Variants in CSMD1 observed in about 807,000 individuals in gnomAD.
CSMD1 encodes CUB and Sushi multiple domains 1.
A neutral mutation model predicts 417.5 loss-of-function variants in CSMD1; 213 were observed. That is an observed-to-expected ratio of 0.51 (90% CI 0.46 to 0.57). The LOEUF (loss-of-function observed/expected upper bound fraction) is 0.57. Ranked by LOEUF, CSMD1 falls within the 20% of genes least tolerant of loss-of-function variation. The pLI is 0.00. For synonymous variants in CSMD1, 2,862 were observed against 1,736.8 expected (o/e 1.65, Z -16.11); for missense variants, 6,923 against 4,529.7 (o/e 1.53, Z -15.17).
chr8:4,609,966 G>C (rs910554128), intron 2 of CSMD1, among the ~76,000 whole-genome samples: 1 of 151,806 alleles, frequency 6.6e-6, no homozygotes, highest in Non-Finnish European at 1.5e-5. Flanking sequence ...TACCTAATTG[G>C]TAATTCCTTC....
chr8:3,246,995 A>G (rs1458086771), intron 26 of CSMD1, among the ~76,000 whole-genome samples: 1 of 152,216 alleles, frequency 6.6e-6, no homozygotes. Flanking sequence ...GGCAAGAGTT[A>G]TTACCTTTGT....
chr8:4,816,132 G>A lies in CSMD1; in HGVS notation c.85+178200C>T, dbSNP rs142949259. Among the ~76,000 whole-genome samples the A allele has an allele frequency of 3.8e-3, 577 of 152,238 alleles. 4 individuals carry two copies. Among genetic ancestry groups the A allele is most frequent in the African/African-American group, 0.013 (539 of 41,552 alleles). On this transcript the variant is annotated intron_variant, in intron 1 of 69. Coordinates refer to ENST00000635120, the MANE Select transcript of CSMD1 (RefSeq NM_033225.6). ...CTGATCACAGAGCATCAGACTTCAAGTTTGTCTGAGGCTTTGCATGCTTTG... is the reference window on the plus strand; with the variant it reads ...CTGATCACAGAGCATCAGACTTCAAATTTGTCTGAGGCTTTGCATGCTTTG...
chr8:4,630,360 G>C (rs894267137), intron 2 of CSMD1, among the ~76,000 whole-genome samples: 4 of 151,806 alleles, frequency 2.6e-5, no homozygotes, highest in African/African-American at 9.7e-5. Flanking sequence ...GGGAAGGAGA[G>C]AATTAGGTAT....
chr8:3,842,310 T>C lies in CSMD1; in HGVS notation c.819-88268A>G, dbSNP rs369023502. Among the ~76,000 whole-genome samples, 34 of 152,240 alleles carry C rather than the reference T, an allele frequency of 2.2e-4. No individual in the cohort carries two copies. In the South Asian group the frequency reaches 7.1e-3, roughly 32 times the overall value. ...TCTTTCACTTTTCATTCCAGTAGTT[T>C]CTATTGGTACACTCTGACTCAATTA... is the stretch of plus-strand genomic sequence containing the variant. On this transcript the variant is annotated intron_variant, in intron 5 of 69. Coordinates refer to ENST00000635120, the MANE Select transcript of CSMD1 (RefSeq NM_033225.6).
chr8:3,754,346 A>T (rs1252260814), intron 5 of CSMD1, among the ~76,000 whole-genome samples: 1 of 152,178 alleles, frequency 6.6e-6, no homozygotes, highest in Admixed American at 6.5e-5. Flanking sequence ...TTTCATCAAG[A>T]TCTTAATCAC....
chr8:4,498,413 A>G (rs1026536378), intron 2 of CSMD1, among the ~76,000 whole-genome samples: 1 of 152,156 alleles, frequency 6.6e-6, no homozygotes, highest in South Asian at 2.1e-4. Flanking sequence ...ATCAGTTCAT[A>G]ATATTAATGC....
intron 6 of CSMD1, among the ~76,000 whole-genome samples, chr8:3,724,205 T>A (rs1295924650): frequency 4.0e-5 from 6 of 149,306 alleles, no homozygotes; most frequent in South Asian, 2.1e-4. Flanking sequence ...CTTTTTTTTT[T>A]TTATTATTAT....
intron 12 of CSMD1, among the ~76,000 whole-genome samples, chr8:3,454,291 T>G (rs1348320027): frequency 6.6e-6 from 1 of 152,232 alleles, no homozygotes; most frequent in African/African-American, 2.4e-5. Flanking sequence ...GTCTTTTAAT[T>G]GGAGCATTTG....
chr8:4,322,323 T>C (rs1799316486), intron 3 of CSMD1, among the ~76,000 whole-genome samples: 1 of 102,844 alleles, frequency 9.7e-6, no homozygotes, highest in African/African-American at 2.9e-5. Context: ...AAGAGAGTAC[T>C]TTTTTTTGCA....
chr8:3,106,589 G>A lies in CSMD1; in HGVS notation c.6888C>T (p.Asp2296=). 3 of 1,613,856 alleles carry A rather than the reference G, an allele frequency of 1.9e-6. No homozygotes were observed. The highest frequency in any genetic ancestry group is 2.5e-6 in the Non-Finnish European group (3 of 1,179,828). Residue 2296 remains aspartate, a synonymous_variant, in exon 46 of 70, where the codon GAC becomes GAT. Transcript: ENST00000635120. ...GGGAACTGAGCTTGCAAGTCAGAAT[G>A]TCGGTCCCCACCAAGGTGTACCCGG... is the stretch of plus-strand genomic sequence containing the variant. The part of the protein sequence containing the change: ...CHPGYTLVGT[D]ILTCKLSSQL...
rs1490483793 is a variant in CSMD1, at chr8:3,788,064, T to C, written c.819-34022A>G. On this transcript the variant is annotated intron_variant, in intron 5 of 69. Coordinates refer to ENST00000635120, the MANE Select transcript of CSMD1 (RefSeq NM_033225.6). ...CTCACACACTGGCTCAAAAAGCCTC[T>C]CCATCCAGTGAGTGTTCTTTGGGAA... is the stretch of plus-strand genomic sequence containing the variant. 2.0e-5 allele frequency among the ~76,000 whole-genome samples: 3 copies of C among 152,306 alleles called. No individual in the cohort carries two copies. The East Asian group carries it at 5.8e-4, about 29-fold the overall frequency.
chr8:4,048,585 A>C (rs1479823123), intron 3 of CSMD1, among the ~76,000 whole-genome samples: 4 of 152,238 alleles, frequency 2.6e-5, no homozygotes, highest in Admixed American at 2.0e-4. Flanking sequence ...GTGTGGCTCC[A>C]GAGTTTGTAT....
At chr8:4,340,055 T>C (rs569052462) in intron 3 of CSMD1, among the ~76,000 whole-genome samples, 1 of 152,162 alleles carries the variant, frequency 6.6e-6, no homozygotes, top group East Asian at 1.9e-4. Flanking sequence ...TACCGTATGT[T>C]TTAGGACTGA....
rs778857929 is a variant in CSMD1, at chr8:3,201,655, A to G, written c.5055T>C (p.His1685=). The G allele has an allele frequency of 3.7e-6, 6 of 1,606,636 alleles. No homozygotes were observed. The highest frequency in any genetic ancestry group is 1.6e-4 in the Middle Eastern group (1 of 6,070). The part of the protein sequence containing the change: ...NDLAELFDGT[H]AQARLLSSLS... ...GTGAGCTGAGAAGTCTGGCCTGTGC[A>G]TGGGTTCCATCAAATAATTCTGCCA... The change falls in exon 32 of 70, where the codon CAT becomes CAC. Residue 1685 remains histidine, a synonymous_variant. Coordinates refer to ENST00000635120, the MANE Select transcript of CSMD1 (RefSeq NM_033225.6).
rs1012998159 is a variant in CSMD1, at chr8:3,387,349, C to G, written c.2782+145G>C. 1.6e-5 allele frequency: 10 copies of G among 607,276 alleles called. No individual in the cohort carries two copies. In the Admixed American group the frequency reaches 2.1e-4, roughly 13 times the overall value. The allele number at this position is 607,276 out of a possible 1,614,324, so 37.6% of individuals were successfully genotyped here. A position where few individuals can be genotyped will look rare whatever the true frequency, so the allele number is the denominator to read the frequency against. On this transcript the variant is annotated intron_variant, in intron 18 of 69. Coordinates refer to ENST00000635120, the MANE Select transcript of CSMD1 (RefSeq NM_033225.6). ...AAACTTCAAATGATCGGGAATGATACGATGATGGTATACAACTTCTCAGAG... is the reference window on the plus strand; with the variant it reads ...AAACTTCAAATGATCGGGAATGATAGGATGATGGTATACAACTTCTCAGAG...
intron 1 of CSMD1, among the ~76,000 whole-genome samples, chr8:4,723,810 AAC>A (rs1491188008): frequency 6.6e-6 from 1 of 151,000 alleles, no homozygotes; most frequent in African/African-American, 2.4e-5. Flanking sequence ...ACAAAAAAAA[AAC>A]AAAACAAAAC....
intron 5 of CSMD1, among the ~76,000 whole-genome samples, chr8:3,805,019 C>T (rs1800649209): frequency 6.6e-6 from 1 of 152,114 alleles, no homozygotes; most frequent in African/African-American, 2.4e-5. Context: ...TTGAAGAGGC[C>T]TGGTTGGTCA....
chr8:3,085,488 C>A (rs1814459793), intron 49 of CSMD1, among the ~76,000 whole-genome samples: 1 of 152,160 alleles, frequency 6.6e-6, no homozygotes, highest in African/African-American at 2.4e-5. Context: ...TCTAGCATCC[C>A]ATATACACAA....
At chr8:3,490,586 A>C (rs895701) in intron 11 of CSMD1, among the ~76,000 whole-genome samples, 19,203 of 151,972 alleles carry the variant, frequency 0.13, 1,553 homozygotes, top group East Asian at 0.27. Flanking sequence ...TCATTTTTCT[A>C]TTTCCCACAG....
Sources: gnomAD v4.1 joint callset for allele counts (sites outside exome capture counted in the v4.1 genomes callset) on GRCh38, gnomAD v4.1.1 for gene constraint, MANE v1.5 for transcripts, NCBI Gene and HGNC (gene_info 2026-07-23, HGNC 2026-07-21) for gene names.